The following KCNA3 variants were observed in gnomAD, a reference collection of about 807,000 sequenced individuals.
KCNA3 encodes the protein potassium voltage-gated channel subfamily A member 3, also known as RP11-284N8.3.
Under a neutral mutation model 34.3 loss-of-function variants are expected in KCNA3, and 18 were observed. The observed-to-expected ratio is 0.52, with a 90% CI of 0.36 to 0.78. The LOEUF (loss-of-function observed/expected upper bound fraction) is 0.78, where lower values mean the gene tolerates loss of function less well. KCNA3 is among the 30% of genes least tolerant of loss of function. KCNA3 has a pLI of 0.00. For missense variants in KCNA3, 587 were observed against 802.5 expected, an observed-to-expected ratio of 0.73 and a Z score of 3.24; for synonymous variants, 324 against 351.7, an observed-to-expected ratio of 0.92 and a Z score of 0.88.
At position 110,674,464 on chromosome 1, in the gene KCNA3, C is replaced by G; in HGVS notation, c.346G>C (p.Glu116Gln). ...VVINISGLRF[E>Q]TQLKTLCQFP... ...TGGCAAAGGGTCTTCAGCTGCGTCTCGAAGCGCAGCCCGGAGATGTTGATG... is the reference window on the plus strand; with the variant it reads ...TGGCAAAGGGTCTTCAGCTGCGTCTGGAAGCGCAGCCCGGAGATGTTGATG... The change falls in exon 1 of 1, where the codon GAG becomes CAG. Residue 116 changes from glutamate to glutamine, a missense_variant. Transcript: ENST00000369769. This position sits in a 1 kb window ranked among gnomAD's most constrained non-coding sequence, Gnocchi z 6.4. 2 of 1,614,004 alleles carry G rather than the reference C, an allele frequency of 1.2e-6. No individual in the cohort carries two copies. Among genetic ancestry groups the G allele is most frequent in the Non-Finnish European group, 1.7e-6 (2 of 1,179,956 alleles).
the KCNA3 span, chr1:110,655,488 A>G: frequency 1.3e-5 from 2 of 152,134 alleles, no homozygotes; most frequent in Non-Finnish European, 2.9e-5. Flanking sequence ...ATATGCTAGA[A>G]TCACCATTTA....
At chr1:110,662,800 C>T in the KCNA3 span, among the ~76,000 whole-genome samples, 1 of 152,118 alleles carries the variant, frequency 6.6e-6, no homozygotes, top group Non-Finnish European at 1.5e-5. Context: ...TTTAGGTCTA[C>T]TAATAATAAA....
the KCNA3 span, among the ~76,000 whole-genome samples, chr1:110,662,658 C>G: frequency 2.0e-5 from 3 of 152,098 alleles, no homozygotes; most frequent in African/African-American, 4.8e-5. Context: ...TATGTACTCT[C>G]AGCAAGCAAA....
At chr1:110,670,962 C>CA (rs200195998), downstream of KCNA3, among the ~76,000 whole-genome samples, 1,958 of 151,806 alleles carry the variant, frequency 0.013, 21 homozygotes, top group Middle Eastern at 0.041. Context: ...CTATTAAAAC[C>CA]AAAAAACAAC....
chr1:110,664,516 G>A, the KCNA3 span, among the ~76,000 whole-genome samples: 1 of 152,168 alleles, frequency 6.6e-6, no homozygotes, highest in Non-Finnish European at 1.5e-5. Context: ...GATGAGGAGT[G>A]TAAGCCACAT....
At chr1:110,660,226 C>T in the KCNA3 span, among the ~76,000 whole-genome samples, 7 of 151,968 alleles carry the variant, frequency 4.6e-5, no homozygotes, top group South Asian at 2.1e-4. Context: ...AGTTAGAAAA[C>T]GTTTTGGAGT....
chr1:110,674,806 C>T lies in KCNA3; in HGVS notation c.4G>A (p.Asp2Asn). The T allele has an allele frequency of 7.6e-7, 1 of 1,310,560 alleles. No homozygotes were observed. Among genetic ancestry groups the T allele is most frequent in the Non-Finnish European group, 9.7e-7 (1 of 1,034,920 alleles). The allele number at this position is 1,310,560 out of a possible 1,614,324, so 81.2% of individuals were successfully genotyped here. Residue 2 changes from aspartate (D) to asparagine (N), a missense_variant, in exon 1 of 1, where the codon GAC becomes AAC. Physicochemically the swap from Asp to Asn is conservative, Grantham distance 23. Around this residue, in one of 7 missense-constraint regions of KCNA3, gnomAD observed 341 missense variants for 355.4 expected, o/e 0.96. Coordinates refer to ENST00000369769, the MANE Select transcript of KCNA3 (RefSeq NM_002232.5). This position sits in a 1 kb window ranked among gnomAD's most constrained non-coding sequence, Gnocchi z 6.4. Reference protein sequence around the residue: MDERLSLLRSPP... With the variant: MNERLSLLRSPP... Reference sequence around the variant, plus strand: ...GAGCGCAGAAGGCTGAGGCGCTCGTCCATGCGGCGGGGAAGAGGCGGCAGC... The same window carrying T: ...GAGCGCAGAAGGCTGAGGCGCTCGTTCATGCGGCGGGGAAGAGGCGGCAGC...
At chr1:110,658,322 A>T in the KCNA3 span, among the ~76,000 whole-genome samples, 1 of 152,228 alleles carries the variant, frequency 6.6e-6, no homozygotes, top group Non-Finnish European at 1.5e-5. Context: ...AAATTCTACA[A>T]GTGCTCTTAT....
At chr1:110,671,770 T>C (rs1273656705), downstream of KCNA3, among the ~76,000 whole-genome samples, 2 of 152,216 alleles carry the variant, frequency 1.3e-5, no homozygotes, top group South Asian at 2.1e-4. Context: ...CAGAACACTT[T>C]TACATTTGCT....
the KCNA3 span, among the ~76,000 whole-genome samples, chr1:110,662,112 C>CAAA: frequency 0.028 from 1,704 of 61,584 alleles, 146 homozygotes; most frequent in Non-Finnish European, 0.035. Context: ...GACTCCGTCT[C>CAAA]AAAAAAAAAA....
chr1:110,672,883 G>A lies in KCNA3; in HGVS notation c.*199C>T, dbSNP rs1283124980. 1.7e-6 allele frequency: 1 copy of A among 579,238 alleles called. No individual in the cohort carries two copies. The highest frequency in any genetic ancestry group is 3.2e-5 in the Admixed American group (1 of 31,244). The allele number at this position is 579,238 out of a possible 1,614,324, so 35.9% of individuals were successfully genotyped here. A position where few individuals can be genotyped will look rare whatever the true frequency, so the allele number is the denominator to read the frequency against. On this transcript the variant is annotated 3_prime_UTR_variant, in exon 1 of 1. Coordinates refer to ENST00000369769, the MANE Select transcript of KCNA3 (RefSeq NM_002232.5). Reference sequence around the variant, plus strand: ...GAGGGTAAGAGGGAAAAGGAGAGCTGAGAGAATGCAGCCCACTTGCAAAAC... The same window carrying A: ...GAGGGTAAGAGGGAAAAGGAGAGCTAAGAGAATGCAGCCCACTTGCAAAAC...
the KCNA3 span, chr1:110,655,482 G>A: frequency 3.9e-5 from 6 of 152,136 alleles, no homozygotes; most frequent in East Asian, 1.2e-3. Flanking sequence ...AACACAATAT[G>A]CTAGAATCAC....
chr1:110,654,122 C>T, the KCNA3 span: 1 of 152,086 alleles, frequency 6.6e-6, no homozygotes, highest in South Asian at 2.1e-4. Flanking sequence ...AAAGGAATGT[C>T]TTCCTTATTC....
At chr1:110,670,562 A>C (rs1651851180), downstream of KCNA3, among the ~76,000 whole-genome samples, 3 of 152,198 alleles carry the variant, frequency 2.0e-5, no homozygotes, top group Admixed American at 2.0e-4. Flanking sequence ...TAATTGTTAC[A>C]ATGTATCTAA....
Position 110,672,985 on chromosome 1 carries a change from GATGA to G in KCNA3, c.*93_*96del. ...TTCCACTTCTTCAGGTCCTTTCCTT[GATGA>G]ATGGTCTGGAAATGTATAAAACAAG... On this transcript the variant is annotated 3_prime_UTR_variant, in exon 1 of 1. Coordinates refer to ENST00000369769, the MANE Select transcript of KCNA3 (RefSeq NM_002232.5). 8.3e-7 allele frequency: 1 copy of G among 1,209,682 alleles called. No individual in the cohort carries two copies. The highest frequency in any genetic ancestry group is 1.2e-6 in the Non-Finnish European group (1 of 857,914). 74.9% of individuals were successfully genotyped at this position (1,209,682 alleles called of 1,614,324 possible).
chr1:110,656,119 C>A, the KCNA3 span: 1 of 152,090 alleles, frequency 6.6e-6, no homozygotes, highest in East Asian at 1.9e-4. Context: ...GACAAAAATG[C>A]ACCATTACAA....
the KCNA3 span, chr1:110,655,593 T>A: frequency 6.6e-6 from 1 of 152,132 alleles, no homozygotes; most frequent in South Asian, 2.1e-4. Context: ...AAGTGAAAAT[T>A]CAGATTCATA....
the KCNA3 span, chr1:110,654,058 T>C: frequency 6.6e-6 from 1 of 152,174 alleles, no homozygotes; most frequent in African/African-American, 2.4e-5. Context: ...GCAGTAACAG[T>C]GTCTCTCTGC....
chr1:110,669,525 ATAGGTTTCTGGAGATATGTTATC>A (rs1452919302), downstream of KCNA3, among the ~76,000 whole-genome samples: 4 of 152,202 alleles, frequency 2.6e-5, no homozygotes, highest in Non-Finnish European at 5.9e-5. Context: ...CTGAAATGAA[ATAGGTTTCTGGAGATATGTTATC>A]TACATGAACT....
Sources: gnomAD v4.1 joint callset for allele counts (sites outside exome capture counted in the v4.1 genomes callset) on GRCh38, gnomAD v4.1.1 for gene constraint, gnomAD v4.1.1 regional missense constraint, Gnocchi (gnomAD v3.1) non-coding constraint, MANE v1.5 for transcripts, NCBI Gene and HGNC (gene_info 2026-07-23, HGNC 2026-07-21) for gene names.